ZNF277: variants seen among roughly 807,000 people sequenced by gnomAD.
ZNF277 encodes the protein nuclear receptor-interacting factor 4.
In ZNF277, 55 loss-of-function variants were observed where a neutral mutation model predicts 60.7. That is an observed-to-expected ratio of 0.91 (90% CI 0.73 to 1.13). The LOEUF is 1.13. Ranked by LOEUF, ZNF277 falls within the 50% of genes most tolerant of loss-of-function variation. The probability of loss-of-function intolerance (pLI) is 0.00; values close to 1 mark genes in which losing one functional copy is unlikely to be tolerated. For missense variants in ZNF277, 510 were observed against 523.0 expected, an observed-to-expected ratio of 0.98 and a Z score of 0.24; for synonymous variants, 178 against 179.3, an observed-to-expected ratio of 0.99 and a Z score of 0.06.
intron 1 of ZNF277, among the ~76,000 whole-genome samples, chr7:112,260,096 G>A (rs1018437194): frequency 1.3e-5 from 2 of 152,042 alleles, no homozygotes; most frequent in Non-Finnish European, 2.9e-5. Flanking sequence ...GCAAAACCCC[G>A]TCTCTACTAA....
At chr7:112,278,780 T>A (rs958594801) in intron 1 of ZNF277, among the ~76,000 whole-genome samples, 5 of 152,184 alleles carry the variant, frequency 3.3e-5, no homozygotes, top group Non-Finnish European at 5.9e-5. Context: ...ATCTATCCTC[T>A]TCACAAATTT....
Position 112,309,928 on chromosome 7 carries a change from G to T in ZNF277, c.466-8254G>T, listed in dbSNP as rs147616242. Among the ~76,000 whole-genome samples, 1,337 of 152,194 alleles carry T rather than the reference G, an allele frequency of 8.8e-3. 79 individuals carry two copies. The highest frequency in any genetic ancestry group is 0.082 in the Admixed American group (1,250 of 15,274). ...TCAAACAGAGAGACGCATAGGATGA[G>T]ATCTGGGAGATTCCCAAATACAAAG... On this transcript the variant is annotated intron_variant, in intron 4 of 11. Coordinates refer to ENST00000361822, the MANE Select transcript of ZNF277 (RefSeq NM_021994.3).
At position 112,336,103 on chromosome 7, in the gene ZNF277, G is replaced by A. The variant is rs1477917759; in HGVS notation, c.802-1G>A. The A allele has an allele frequency of 6.2e-7, 1 of 1,610,672 alleles. No individual in the cohort carries two copies. The highest frequency in any genetic ancestry group is 2.2e-5 in the East Asian group (1 of 44,696). Reference sequence around the variant, plus strand: ...CTCATCCCTCTGTTCTTCCTACAAAGGAACTTGGAAAATCGTGGGAAGAAG... The same window carrying A: ...CTCATCCCTCTGTTCTTCCTACAAAAGAACTTGGAAAATCGTGGGAAGAAG... On this transcript the variant is annotated splice_acceptor_variant, in intron 7 of 11. Transcript: ENST00000361822. LOFTEE classifies it high-confidence loss of function.
chr7:112,333,014 A>G (rs1793257111), intron 7 of ZNF277, among the ~76,000 whole-genome samples: 1 of 152,164 alleles, frequency 6.6e-6, no homozygotes. Context: ...AATAAAGGCC[A>G]GTGTCTTCTC....
chr7:112,336,980 AG>A (rs1437089262), intron 8 of ZNF277, among the ~76,000 whole-genome samples: 1 of 152,164 alleles, frequency 6.6e-6, no homozygotes, highest in Non-Finnish European at 1.5e-5. Flanking sequence ...GTTTTCTAAT[AG>A]GGAAGCTTCT....
intron 1 of ZNF277, among the ~76,000 whole-genome samples, chr7:112,246,335 A>G (rs1349090778): frequency 6.6e-6 from 1 of 152,190 alleles, no homozygotes; most frequent in African/African-American, 2.4e-5. Flanking sequence ...TCGAGGCTGC[A>G]GTGAGCCGTG....
At chr7:112,318,881 A>T (rs1792910469) in intron 5 of ZNF277, among the ~76,000 whole-genome samples, 1 of 152,122 alleles carries the variant, frequency 6.6e-6, no homozygotes, top group South Asian at 2.1e-4. Flanking sequence ...TGATAATTTC[A>T]TGGGTTTGAT....
chr7:112,258,453 G>A (rs773768664), intron 1 of ZNF277, among the ~76,000 whole-genome samples: 3 of 150,852 alleles, frequency 2.0e-5, no homozygotes, highest in African/African-American at 4.9e-5. Context: ...GTATTTGGAC[G>A]TACTTACGCC....
At chr7:112,318,123 A>AT (rs1304092055) in intron 4 of ZNF277, 59 bp from the exon 5 acceptor site, 109 of 1,445,856 alleles carry the variant, frequency 7.5e-5, no homozygotes, top group Non-Finnish European at 1.0e-4. Context: ...AGACTTTGAC[A>AT]TTTTTTATTA....
intron 2 of ZNF277, among the ~76,000 whole-genome samples, chr7:112,293,540 A>G (rs1245610004): frequency 2.0e-5 from 3 of 150,758 alleles, no homozygotes; most frequent in Admixed American, 1.3e-4. Flanking sequence ...AGATCACTCC[A>G]CTGCACTCCA....
chr7:112,301,864 A>T (rs1357927193), intron 4 of ZNF277, among the ~76,000 whole-genome samples: 1 of 152,162 alleles, frequency 6.6e-6, no homozygotes, highest in Non-Finnish European at 1.5e-5. Flanking sequence ...CTGAAATTTC[A>T]TCCTGAAGTA....
At chr7:112,210,465 GTTTTTTTTTTT>G (rs66533644) in intron 1 of ZNF277, among the ~76,000 whole-genome samples, 10 of 132,684 alleles carry the variant, frequency 7.5e-5, no homozygotes, top group Admixed American at 2.3e-4. Flanking sequence ...TTTGTTTTTT[GTTTTTTTTTTT>G]TGTTTTTTTT....
At chr7:112,267,730 G>A (rs1290948495) in intron 1 of ZNF277, among the ~76,000 whole-genome samples, 1 of 152,060 alleles carries the variant, frequency 6.6e-6, no homozygotes, top group African/African-American at 2.4e-5. Context: ...TAGAAGGTTT[G>A]AGGCTTCGGA....
At chr7:112,296,699 T>C (rs1236538527) in intron 4 of ZNF277, among the ~76,000 whole-genome samples, 1 of 151,614 alleles carries the variant, frequency 6.6e-6, no homozygotes, top group African/African-American at 2.4e-5. Flanking sequence ...GAATGTGCTA[T>C]GCACTAGCAT....
At chr7:112,270,918 A>G (rs1791654610) in intron 1 of ZNF277, among the ~76,000 whole-genome samples, 1 of 152,060 alleles carries the variant, frequency 6.6e-6, no homozygotes, top group Non-Finnish European at 1.5e-5. Flanking sequence ...AAATAAAAAT[A>G]AAATAAAATA....
chr7:112,302,949 C>CTTTTTTTTTT (rs34593342), intron 4 of ZNF277, among the ~76,000 whole-genome samples: 2 of 132,898 alleles, frequency 1.5e-5, no homozygotes, highest in African/African-American at 5.8e-5. Flanking sequence ...GCAAATAGGC[C>CTTTTTTTTTT]TTTTTTTTTT....
At chr7:112,239,048 C>G (rs1790876525) in intron 1 of ZNF277, among the ~76,000 whole-genome samples, 1 of 152,052 alleles carries the variant, frequency 6.6e-6, no homozygotes, top group South Asian at 2.1e-4. Context: ...TCAGCAATAG[C>G]CAGGCACTAC....
At chr7:112,327,979 C>T in intron 6 of ZNF277, 152 bp downstream of exon 6, 1 of 604,094 alleles carries the variant, frequency 1.7e-6, no homozygotes, top group South Asian at 2.4e-5. Context: ...CTTATTTTGT[C>T]TAGATCATAT....
chr7:112,328,646 G>A (rs1450005275), intron 6 of ZNF277, among the ~76,000 whole-genome samples: 3 of 152,212 alleles, frequency 2.0e-5, no homozygotes, highest in Admixed American at 1.3e-4. Context: ...CGAGGTGGGC[G>A]GATCACCTGA....
Sources: allele counts gnomAD v4.1 joint callset (sites outside exome capture counted in the v4.1 genomes callset), GRCh38; gene constraint gnomAD v4.1.1; transcripts MANE v1.5; gene names NCBI Gene and HGNC (gene_info 2026-07-23, HGNC 2026-07-21).